Variants in RBFOX2 observed in about 807,000 individuals in gnomAD.
RBFOX2 encodes the protein RNA binding fox-1 homolog 2.
RBFOX2 carries 10 observed loss-of-function variants against 49.1 expected under a neutral mutation model. That is an observed-to-expected ratio of 0.20 (90% confidence interval 0.13 to 0.35). The LOEUF (loss-of-function observed/expected upper bound fraction) is 0.35, where lower values mean the gene tolerates loss of function less well. Among genes scored for constraint, RBFOX2 ranks in the 10% least tolerant of loss-of-function variants. The pLI, the probability that RBFOX2 is intolerant of heterozygous loss-of-function variation, is 1.00. For missense variants in RBFOX2, 323 were observed against 486.9 expected (o/e 0.66, Z 3.17); for synonymous variants, 183 against 187.4 (o/e 0.98, Z 0.19).
At chr22:36,016,317 T>G (rs2059034330) in intron 1 of RBFOX2, among the ~76,000 whole-genome samples, 1 of 152,120 alleles carries the variant, frequency 6.6e-6, no homozygotes, top group East Asian at 1.9e-4. Flanking sequence ...CCCCAGGCCC[T>G]GTCTGTAGTT....
chr22:35,909,151 A>C (rs1176403191), intron 1 of RBFOX2, among the ~76,000 whole-genome samples: 2 of 152,198 alleles, frequency 1.3e-5, no homozygotes, highest in East Asian at 3.9e-4. Context: ...ACATCTCGCT[A>C]TCTTTCAGAA....
chr22:35,859,003 A>G (rs780716273), intron 1 of RBFOX2, among the ~76,000 whole-genome samples: 9 of 152,182 alleles, frequency 5.9e-5, no homozygotes, highest in Non-Finnish European at 7.3e-5. Flanking sequence ...TTCAATCATG[A>G]TATCTTCAAC....
At chr22:35,965,008 C>T (rs1430393827), upstream of RBFOX2, among the ~76,000 whole-genome samples, 1 of 152,194 alleles carries the variant, frequency 6.6e-6, no homozygotes, top group Non-Finnish European at 1.5e-5. Context: ...ACTTACCACA[C>T]ACCAGTCGAT....
chr22:35,821,413 C>T (rs939706194), intron 1 of RBFOX2, among the ~76,000 whole-genome samples: 2 of 151,646 alleles, frequency 1.3e-5, no homozygotes, highest in African/African-American at 2.4e-5. Context: ...ACCAGCCTGG[C>T]CAACATGGCG....
At chr22:35,939,846 TA>T (rs3885502), upstream of RBFOX2, among the ~76,000 whole-genome samples, 3 of 151,824 alleles carry the variant, frequency 2.0e-5, no homozygotes, top group Non-Finnish European at 2.9e-5. Context: ...ACTGATGGAG[TA>T]AAAAAAGATG....
chr22:35,841,906 G>A (rs1188573592), upstream of RBFOX2, among the ~76,000 whole-genome samples: 3 of 152,112 alleles, frequency 2.0e-5, no homozygotes, highest in East Asian at 5.8e-4. Context: ...AAAATGTTCT[G>A]TATTGGCCAG....
In RBFOX2 at chr22:35,754,227, G is replaced by A. The variant is rs148679243; in HGVS notation, c.887+5661C>T. On this transcript the variant is annotated intron_variant, in intron 9 of 11. Transcript: ENST00000405409. ...CTACATCAGCCTCCCGAGTAGCTGGGACTACAGGCGCCCGCCACCACGCCT... is the reference window on the plus strand; with the variant it reads ...CTACATCAGCCTCCCGAGTAGCTGGAACTACAGGCGCCCGCCACCACGCCT... Among the ~76,000 whole-genome samples, 461 of 148,772 alleles carry A rather than the reference G, an allele frequency of 3.1e-3. 1 individual carries two copies. The highest frequency in any genetic ancestry group is 0.011 in the African/African-American group (431 of 40,362).
intron 1 of RBFOX2, among the ~76,000 whole-genome samples, chr22:35,966,812 A>G (rs2056586308): frequency 6.6e-6 from 1 of 152,044 alleles, no homozygotes; most frequent in African/African-American, 2.4e-5. Context: ...TTATATACAT[A>G]TAATTTTTCC....
At chr22:35,875,293 T>C (rs2044880803) in intron 1 of RBFOX2, among the ~76,000 whole-genome samples, 1 of 152,232 alleles carries the variant, frequency 6.6e-6, no homozygotes, top group Non-Finnish European at 1.5e-5. Context: ...ATTTATATTT[T>C]AGGTTTATTA....
At chr22:35,941,450 G>C (rs2053679305), upstream of RBFOX2, among the ~76,000 whole-genome samples, 1 of 152,102 alleles carries the variant, frequency 6.6e-6, no homozygotes, top group African/African-American at 2.4e-5. Flanking sequence ...GTAAGTAACT[G>C]GCCCAATAAC....
chr22:36,027,291 G>A (rs113222202), intron 1 of RBFOX2, among the ~76,000 whole-genome samples: 177 of 152,240 alleles, frequency 1.2e-3, no homozygotes, highest in Non-Finnish European at 2.2e-3. Flanking sequence ...ATGACTCCGA[G>A]AGAATTAGGC....
intron 1 of RBFOX2, among the ~76,000 whole-genome samples, chr22:35,924,085 C>G (rs1321383292): frequency 6.6e-6 from 1 of 152,148 alleles, no homozygotes. Flanking sequence ...CCCTTTGAGC[C>G]TTGGTTTCCT....
At chr22:35,885,835 C>A (rs1171677737) in intron 1 of RBFOX2, among the ~76,000 whole-genome samples, 1 of 144,480 alleles carries the variant, frequency 6.9e-6, no homozygotes, top group African/African-American at 2.6e-5. Context: ...AAGTGAAACC[C>A]AAACCTAATT....
At chr22:35,824,588 G>T (rs1389018420) in intron 1 of RBFOX2, among the ~76,000 whole-genome samples, 4 of 152,194 alleles carry the variant, frequency 2.6e-5, no homozygotes, top group Admixed American at 2.6e-4. Flanking sequence ...CATCAGAAAT[G>T]CTATTATAAA....
chr22:35,743,405 G>C (rs1330017928), exon 12 of RBFOX2: 1 of 152,112 alleles, frequency 6.6e-6, no homozygotes, highest in African/African-American at 2.4e-5. Flanking sequence ...GGAATGCTAG[G>C]TTACAGGAAC....
intron 1 of RBFOX2, among the ~76,000 whole-genome samples, chr22:36,012,597 AAAT>A (rs954734236): frequency 6.6e-6 from 1 of 151,930 alleles, no homozygotes; most frequent in African/African-American, 2.4e-5. Flanking sequence ...TATCTCTTAA[AAAT>A]AATAATAACA....
At chr22:35,987,413 A>G (rs2057769247) in intron 1 of RBFOX2, among the ~76,000 whole-genome samples, 1 of 152,234 alleles carries the variant, frequency 6.6e-6, no homozygotes, top group African/African-American at 2.4e-5. Context: ...GCATGAGCTC[A>G]TACATTTAAA....
At chr22:35,784,424 C>T (rs1033434557) in intron 2 of RBFOX2, among the ~76,000 whole-genome samples, 1 of 152,214 alleles carries the variant, frequency 6.6e-6, no homozygotes, top group African/African-American at 2.4e-5. Flanking sequence ...CCTTAACCTC[C>T]CTGCCCTCCT....
chr22:35,828,728 A>T (rs974206779), intron 1 of RBFOX2, among the ~76,000 whole-genome samples: 10 of 152,206 alleles, frequency 6.6e-5, no homozygotes, highest in Non-Finnish European at 1.0e-4. Flanking sequence ...GACTAAACAC[A>T]GCTCTAGTCC....
Sources: allele counts gnomAD v4.1 joint callset (sites outside exome capture counted in the v4.1 genomes callset), GRCh38; gene constraint gnomAD v4.1.1; transcripts MANE v1.5; gene names NCBI Gene and HGNC (gene_info 2026-07-23, HGNC 2026-07-21).